The following PRSS23 variants were observed in gnomAD, a reference collection of about 807,000 sequenced individuals.
PRSS23 encodes the protein serine protease 23, also known as protease, serine 23.
In PRSS23, 25 loss-of-function variants were observed where a neutral mutation model predicts 34.7. The observed-to-expected ratio is 0.72, with a 90% CI of 0.53 to 1.01. The LOEUF is 1.01. Among genes scored for constraint, PRSS23 ranks in the 50% least tolerant of loss-of-function variants. The probability of loss-of-function intolerance (pLI) is 0.00; values close to 1 mark genes in which losing one functional copy is unlikely to be tolerated. For synonymous variants in PRSS23, 176 were observed against 186.6 expected, an observed-to-expected ratio of 0.94 and a Z score of 0.46; for missense variants, 445 against 475.6, an observed-to-expected ratio of 0.94 and a Z score of 0.60.
chr11:86,906,722 T>C (rs1054652143), intron 2 of PRSS23, among the ~76,000 whole-genome samples: 1 of 152,182 alleles, frequency 6.6e-6, no homozygotes, highest in Non-Finnish European at 1.5e-5. Flanking sequence ...CCTCTATCAC[T>C]AGCACTAATG....
At chr11:86,909,250 C>A (rs1948962689) in intron 2 of PRSS23, 1 of 152,192 alleles carries the variant, frequency 6.6e-6, no homozygotes, top group Non-Finnish European at 1.5e-5. Context: ...ACAGCATGGG[C>A]AGTGACTACC....
intron 2 of PRSS23, among the ~76,000 whole-genome samples, chr11:86,884,957 T>C (rs536715809): frequency 6.6e-6 from 1 of 152,344 alleles, no homozygotes; most frequent in South Asian, 2.1e-4. Flanking sequence ...ATTTAGGTGT[T>C]TCTCCTATAC....
rs1399010804 is a variant in PRSS23, at chr11:86,829,561, G to A, written c.206+5968G>A. 9.2e-5 allele frequency among the ~76,000 whole-genome samples: 14 copies of A among 151,964 alleles called. No homozygotes were observed. In the South Asian group the frequency reaches 1.2e-3, roughly 14 times the overall value. On this transcript the variant is annotated intron_variant, in intron 2 of 2. Transcript: ENST00000533902. The stretch of plus-strand genomic sequence containing the variant: ...TGCGTTCCTTTGGAGGAGGAGAGGT[G>A]CTCTGCTTTTTAGAGTTTCCAGTTT...
At chr11:86,841,485 T>C (rs1948448189) in intron 2 of PRSS23, among the ~76,000 whole-genome samples, 4 of 151,116 alleles carry the variant, frequency 2.6e-5, no homozygotes, top group Admixed American at 2.6e-4. Flanking sequence ...TTCAAAAAAA[T>C]CAATGAATCC....
chr11:86,800,917 CTTGGGTGCAGGATG>C lies in PRSS23; in HGVS notation c.-14+271_-14+284del, dbSNP rs1157228374. Among the ~76,000 whole-genome samples the C allele has an allele frequency of 4.0e-4, 61 of 152,108 alleles. 2 individuals are homozygous for C. Among genetic ancestry groups the C allele is most frequent in the Non-Finnish European group, 1.3e-4 (9 of 68,010 alleles). On this transcript the variant is annotated intron_variant, in intron 1 of 1. Coordinates refer to ENST00000280258, the MANE Select transcript of PRSS23 (RefSeq NM_007173.6). ...GGATGGGGAAAGAAGATCCTGCTGT[CTTGGGTGCAGGATG>C]TTGGTTGGGAAGCAGAGAGAGCCGG...
At chr11:86,837,599 T>A (rs996289880) in intron 2 of PRSS23, 2 of 152,136 alleles carry the variant, frequency 1.3e-5, no homozygotes, top group Admixed American at 1.3e-4. Flanking sequence ...AAACCATGCC[T>A]CTACTAAAAT....
intron 2 of PRSS23, among the ~76,000 whole-genome samples, chr11:86,830,127 G>A (rs1254040155): frequency 2.6e-5 from 4 of 152,194 alleles, no homozygotes; most frequent in Non-Finnish European, 5.9e-5. Context: ...GCCTCCTTGA[G>A]CTGTGGTGGG....
At chr11:86,828,012 A>G (rs12417990) in intron 2 of PRSS23, among the ~76,000 whole-genome samples, 51,355 of 146,284 alleles carry the variant, frequency 0.35, 8,727 homozygotes, top group East Asian at 0.47. Context: ...TATTAGGTCC[A>G]CTTGGTGCAG....
intron 2 of PRSS23, chr11:86,945,805 G>A (rs1565394611): frequency 6.6e-6 from 1 of 152,570 alleles, no homozygotes; most frequent in Admixed American, 6.5e-5. Flanking sequence ...ATCCTTAAAA[G>A]CAGGGTCCAT....
rs192048284 is a variant in PRSS23, at chr11:86,839,258, G to C, written c.206+15665G>C. ...AGCTAAAAACCTTGAAAAAAGGTTAGACGAGTGGCTAACTAGAATAAACAG... is the reference window on the plus strand; with the variant it reads ...AGCTAAAAACCTTGAAAAAAGGTTACACGAGTGGCTAACTAGAATAAACAG... On this transcript the variant is annotated intron_variant, in intron 2 of 2. Transcript: ENST00000533902. Among the ~76,000 whole-genome samples the C allele has an allele frequency of 2.6e-5, 4 of 152,318 alleles. No individual in the cohort carries two copies. The East Asian group carries it at 7.7e-4, about 29-fold the overall frequency.
In PRSS23 at chr11:86,843,840, G is replaced by A. The variant is rs1590890367; in HGVS notation, c.206+20247G>A. 2.6e-5 allele frequency among the ~76,000 whole-genome samples: 4 copies of A among 152,346 alleles called. No homozygotes were observed. The South Asian group carries it at 8.3e-4, about 32-fold the overall frequency. ...GGGAGTGTAAGTTAGTTCAACCATT[G>A]TGGAAGACAGTGTGGCAATTCCTCA... On this transcript the variant is annotated intron_variant, in intron 2 of 2. Transcript: ENST00000533902.
chr11:86,875,811 C>A (rs184968353), intron 2 of PRSS23, among the ~76,000 whole-genome samples: 1 of 152,268 alleles, frequency 6.6e-6, no homozygotes, highest in East Asian at 1.9e-4. Flanking sequence ...TGAGAACAGC[C>A]TTTTTTATCT....
chr11:86,871,206 G>T (rs1042703737), intron 2 of PRSS23, among the ~76,000 whole-genome samples: 2 of 152,146 alleles, frequency 1.3e-5, no homozygotes, highest in African/African-American at 4.8e-5. Flanking sequence ...TAGGGTGGGT[G>T]TAGAGTTGCC....
intron 2 of PRSS23, among the ~76,000 whole-genome samples, chr11:86,927,266 A>G (rs17820499): frequency 0.094 from 14,331 of 152,180 alleles, 924 homozygotes; most frequent in Non-Finnish European, 0.14. Flanking sequence ...CCTGTTCACC[A>G]GTGGAGAAAT....
chr11:86,813,969 C>T (rs1353730491), downstream of PRSS23, among the ~76,000 whole-genome samples: 2 of 152,132 alleles, frequency 1.3e-5, no homozygotes, highest in East Asian at 1.9e-4. Flanking sequence ...GTAGAGCCAA[C>T]ATGAATAGGT....
At chr11:86,884,082 G>A (rs1197145234) in intron 2 of PRSS23, among the ~76,000 whole-genome samples, 2 of 152,020 alleles carry the variant, frequency 1.3e-5, no homozygotes, top group African/African-American at 4.8e-5. Context: ...TATGGCTATA[G>A]CCAGTAAATC....
At chr11:86,821,691 C>A (rs1186696839) in intron 1 of PRSS23, 1 of 1,508,366 alleles carries the variant, frequency 6.6e-7, no homozygotes, top group East Asian at 2.3e-5. Flanking sequence ...CTCTTATGTT[C>A]TGTTGAATAT....
At chr11:86,800,487 C>T (rs1349496538), upstream of PRSS23, 42 of 984,076 alleles carry the variant, frequency 4.3e-5, no homozygotes, top group Non-Finnish European at 4.8e-5. Flanking sequence ...GGGCGGGCCT[C>T]GGGTGGCGCG....
chr11:86,828,676 T>G (rs1222227744), intron 2 of PRSS23, among the ~76,000 whole-genome samples: 4 of 152,194 alleles, frequency 2.6e-5, no homozygotes, highest in Non-Finnish European at 4.4e-5. Context: ...AGGAGCTCTT[T>G]TAGGGCAGGC....
Sources: allele counts gnomAD v4.1 joint callset (sites outside exome capture counted in the v4.1 genomes callset), GRCh38; gene constraint gnomAD v4.1.1; transcripts MANE v1.5; gene names NCBI Gene and HGNC (gene_info 2026-07-23, HGNC 2026-07-21).